Variants in NRXN3 observed in about 807,000 individuals in gnomAD.
NRXN3 encodes the protein neurexin 3, also known as neurexin III.
NRXN3 carries 32 observed loss-of-function variants against 137.6 expected under a neutral mutation model. The ratio of observed to expected loss-of-function variants is 0.23; its 90% CI spans 0.18 to 0.31. The LOEUF is 0.31. Ranked by LOEUF, NRXN3 falls within the 10% of genes least tolerant of loss-of-function variation. The pLI, the probability that NRXN3 is intolerant of heterozygous loss-of-function variation, is 1.00. For missense variants in NRXN3, 1,574 were observed against 2,062.5 expected (o/e 0.76, Z 4.59); for synonymous variants, 798 against 784.5 (o/e 1.02, Z -0.29).
intron 4 of NRXN3, among the ~76,000 whole-genome samples, chr14:78,451,157 C>T (rs1291199017): frequency 1.3e-5 from 2 of 152,106 alleles, no homozygotes; most frequent in African/African-American, 4.8e-5. Context: ...GTAACTCAAG[C>T]ACAGAGTGTG....
chr14:79,668,708 G>A (rs1371619650), intron 17 of NRXN3, among the ~76,000 whole-genome samples: 2 of 152,046 alleles, frequency 1.3e-5, no homozygotes, highest in Admixed American at 1.3e-4. Context: ...TGTAAGGAAG[G>A]GGGCGGGGTA....
At chr14:78,422,251 G>T (rs909692909) in intron 4 of NRXN3, among the ~76,000 whole-genome samples, 9 of 152,172 alleles carry the variant, frequency 5.9e-5, no homozygotes, top group Admixed American at 6.5e-5. Context: ...ATACGATCAG[G>T]TTTCCTCTTT....
chr14:78,493,911 G>C (rs1325775674), intron 4 of NRXN3, among the ~76,000 whole-genome samples: 2 of 152,186 alleles, frequency 1.3e-5, no homozygotes, highest in African/African-American at 4.8e-5. Flanking sequence ...AGCATGGACT[G>C]AAGTAAACAC....
intron 4 of NRXN3, among the ~76,000 whole-genome samples, chr14:78,452,128 A>G (rs1482035247): frequency 6.6e-6 from 1 of 152,176 alleles, no homozygotes; most frequent in African/African-American, 2.4e-5. Flanking sequence ...ATCTGAGTTA[A>G]TTCTTACTAC....
At chr14:79,646,322 C>A (rs2098453280) in intron 16 of NRXN3, among the ~76,000 whole-genome samples, 1 of 135,492 alleles carries the variant, frequency 7.4e-6, no homozygotes, top group Admixed American at 7.9e-5. Flanking sequence ...GGCCCCTCAG[C>A]AAGGAGGCAG....
At chr14:78,376,086 T>C (rs1165490544) in intron 4 of NRXN3, among the ~76,000 whole-genome samples, 2 of 151,938 alleles carry the variant, frequency 1.3e-5, no homozygotes, top group East Asian at 3.9e-4. Context: ...TTCTTTGAGA[T>C]TTGTGATACA....
In NRXN3 at chr14:79,562,090, A is replaced by G. The variant is rs535563625; in HGVS notation, c.3444+94688A>G. On this transcript the variant is annotated intron_variant, in intron 16 of 20. Transcript: ENST00000335750. Reference sequence around the variant, plus strand: ...TGTCTGAAACATATATAAGTATCATATAAATTTCAGATTTTACACAGGGTT... The same window carrying G: ...TGTCTGAAACATATATAAGTATCATGTAAATTTCAGATTTTACACAGGGTT... Among the ~76,000 whole-genome samples, 13 of 152,318 alleles carry G rather than the reference A, an allele frequency of 8.5e-5. No homozygotes were observed. The South Asian group carries it at 2.7e-3, about 32-fold the overall frequency.
chr14:79,679,038 C>A (rs1175699439), intron 17 of NRXN3, among the ~76,000 whole-genome samples: 2 of 151,462 alleles, frequency 1.3e-5, no homozygotes, highest in Non-Finnish European at 2.9e-5. Flanking sequence ...TATCTGATTT[C>A]TCCTCTTTGG....
intron 8 of NRXN3, among the ~76,000 whole-genome samples, chr14:78,736,636 C>G (rs1052731116): frequency 6.6e-6 from 1 of 152,178 alleles, no homozygotes; most frequent in African/African-American, 2.4e-5. Context: ...ATTATTCCCA[C>G]AATCATTTAT....
At chr14:79,410,550 G>A (rs913645069) in intron 15 of NRXN3, among the ~76,000 whole-genome samples, 20 of 151,290 alleles carry the variant, frequency 1.3e-4, no homozygotes, top group Non-Finnish European at 2.7e-4. Flanking sequence ...ACAATATCAA[G>A]TAATAATTAA....
At chr14:79,173,435 G>A (rs1216654846) in intron 15 of NRXN3, among the ~76,000 whole-genome samples, 1 of 150,852 alleles carries the variant, frequency 6.6e-6, no homozygotes, top group Admixed American at 6.6e-5. Flanking sequence ...AGAAGACTGA[G>A]GTAGGAGGGC....
At chr14:79,456,709 G>T (rs939313220) in intron 15 of NRXN3, among the ~76,000 whole-genome samples, 88 of 151,924 alleles carry the variant, frequency 5.8e-4, no homozygotes, top group African/African-American at 2.0e-3. Flanking sequence ...CTGGGTGACA[G>T]AGCGAGACTC....
At position 78,962,479 on chromosome 14, in the gene NRXN3, C is replaced by A. The variant is rs1198890021; in HGVS notation, c.2396-3546C>A. ...TTGCCCCTTAAGTAGAAAGGAGGTT[C>A]AGTTTGCAGACAGCATTCAGAGGAG... On this transcript the variant is annotated intron_variant, in intron 11 of 20. Coordinates refer to ENST00000335750, the MANE Select transcript of NRXN3 (RefSeq NM_001330195.2). Among the ~76,000 whole-genome samples, 13 of 152,062 alleles carry A rather than the reference C, an allele frequency of 8.5e-5. No individual in the cohort carries two copies. In the South Asian group the frequency reaches 2.7e-3, roughly 32 times the overall value.
chr14:78,353,483 A>C (rs971917171), intron 4 of NRXN3, among the ~76,000 whole-genome samples: 1 of 152,112 alleles, frequency 6.6e-6, no homozygotes, highest in Non-Finnish European at 1.5e-5. Context: ...GGACTGTTTT[A>C]TAAGGGCGTA....
intron 15 of NRXN3, among the ~76,000 whole-genome samples, chr14:79,169,241 G>C (rs1019729550): frequency 4.6e-5 from 7 of 152,042 alleles, no homozygotes; most frequent in African/African-American, 1.7e-4. Flanking sequence ...CTGTCAGAAT[G>C]CTACATGCTC....
chr14:79,835,404 T>G (rs1480059269), intron 20 of NRXN3, among the ~76,000 whole-genome samples: 2 of 152,196 alleles, frequency 1.3e-5, no homozygotes, highest in Non-Finnish European at 2.9e-5. Flanking sequence ...TCATTTAAAA[T>G]ATTTTCCTCT....
intron 15 of NRXN3, among the ~76,000 whole-genome samples, chr14:79,097,656 A>T (rs2050585001): frequency 6.6e-6 from 1 of 152,126 alleles, no homozygotes; most frequent in Non-Finnish European, 1.5e-5. Flanking sequence ...TTATTTTCCA[A>T]ATTGCATTCA....
chr14:78,742,037 C>A (rs2098578221), intron 8 of NRXN3, among the ~76,000 whole-genome samples: 1 of 152,174 alleles, frequency 6.6e-6, no homozygotes, highest in Non-Finnish European at 1.5e-5. Flanking sequence ...GGAGGTAGTG[C>A]AGCCTCATTT....
At chr14:78,252,342 G>A (rs1321338498) in intron 2 of NRXN3, among the ~76,000 whole-genome samples, 3 of 152,048 alleles carry the variant, frequency 2.0e-5, no homozygotes, top group Admixed American at 2.0e-4. Context: ...AGGTATGCAA[G>A]GGCATAAAGA....
Sources: allele counts gnomAD v4.1 joint callset (sites outside exome capture counted in the v4.1 genomes callset), GRCh38; gene constraint gnomAD v4.1.1; transcripts MANE v1.5; gene names NCBI Gene and HGNC (gene_info 2026-07-23, HGNC 2026-07-21).